The following PLPPR1 variants were observed in gnomAD, a reference collection of about 807,000 sequenced individuals.
PLPPR1 encodes the protein phospholipid phosphatase related 1.
PLPPR1 carries 10 observed loss-of-function variants against 33.1 expected under a neutral mutation model. The observed-to-expected ratio is 0.30, with a 90% CI of 0.19 to 0.51. PLPPR1 has a LOEUF of 0.51. PLPPR1 is among the 20% of genes least tolerant of loss of function. PLPPR1 has a pLI of 0.97. For synonymous variants in PLPPR1, 151 were observed against 151.0 expected (o/e 1.00, Z 0.00); for missense variants, 304 against 408.1 (o/e 0.74, Z 2.20).
chr9:101,231,296 A>T (rs1248566410), intron 2 of PLPPR1, among the ~76,000 whole-genome samples: 1 of 151,776 alleles, frequency 6.6e-6, no homozygotes, highest in African/African-American at 2.4e-5. Context: ...AAAACAAAAA[A>T]ACTTGTAAGA....
At chr9:101,314,620 T>C (rs1829019208) in intron 6 of PLPPR1, among the ~76,000 whole-genome samples, 1 of 150,450 alleles carries the variant, frequency 6.6e-6, no homozygotes, top group Admixed American at 6.6e-5. Flanking sequence ...AAAAAACCAA[T>C]GCAGTTACCT....
chr9:101,221,655 G>C (rs918765963), intron 2 of PLPPR1, among the ~76,000 whole-genome samples: 4 of 152,154 alleles, frequency 2.6e-5, no homozygotes, highest in African/African-American at 9.7e-5. Context: ...TTAAAAACGA[G>C]GAAATGGAAG....
intron 3 of PLPPR1, among the ~76,000 whole-genome samples, chr9:101,277,846 T>G (rs1014649883): frequency 2.6e-5 from 4 of 152,144 alleles, no homozygotes; most frequent in African/African-American, 9.7e-5. Context: ...ACAGAAAACA[T>G]AGGACATATA....
chr9:101,130,705 C>T (rs1313893117), intron 1 of PLPPR1, among the ~76,000 whole-genome samples: 1 of 152,180 alleles, frequency 6.6e-6, no homozygotes, highest in Admixed American at 6.5e-5. Context: ...CTTCTGGGCG[C>T]TTATCTTCTC....
intron 2 of PLPPR1, among the ~76,000 whole-genome samples, chr9:101,239,982 CT>C (rs1827428827): frequency 6.6e-6 from 1 of 151,968 alleles, no homozygotes; most frequent in African/African-American, 2.4e-5. Flanking sequence ...GACCAATGTC[CT>C]AAAACATTTC....
At chr9:101,312,669 C>T in intron 5 of PLPPR1, 129 bp from the exon 6 acceptor site, 1 of 636,718 alleles carries the variant, frequency 1.6e-6, no homozygotes, top group Non-Finnish European at 2.8e-6. Context: ...TCAAGGAATA[C>T]TAGTTAGTGT....
intron 2 of PLPPR1, among the ~76,000 whole-genome samples, chr9:101,218,161 C>A (rs1438547730): frequency 6.6e-6 from 1 of 152,082 alleles, no homozygotes; most frequent in Non-Finnish European, 1.5e-5. Flanking sequence ...ATACACTATT[C>A]TTGATAGTAT....
intron 1 of PLPPR1, among the ~76,000 whole-genome samples, chr9:101,091,405 G>A (rs991976293): frequency 1.1e-4 from 17 of 152,132 alleles, no homozygotes; most frequent in African/African-American, 4.8e-5. Context: ...TTGGCAGGGC[G>A]GCATGTCTTC....
intron 1 of PLPPR1, among the ~76,000 whole-genome samples, chr9:101,139,984 T>C (rs1285629022): frequency 1.3e-5 from 2 of 152,212 alleles, no homozygotes; most frequent in East Asian, 3.8e-4. Flanking sequence ...GTACCTCAAC[T>C]GCTCACAGGA....
At chr9:101,077,800 C>T (rs1830557961) in intron 1 of PLPPR1, among the ~76,000 whole-genome samples, 1 of 151,928 alleles carries the variant, frequency 6.6e-6, no homozygotes, top group South Asian at 2.1e-4. Flanking sequence ...GGCAAGGCGG[C>T]TCCCTTAGAA....
At chr9:101,207,902 A>G (rs186739891) in intron 2 of PLPPR1, among the ~76,000 whole-genome samples, 123 of 152,322 alleles carry the variant, frequency 8.1e-4, no homozygotes, top group African/African-American at 2.9e-3. Flanking sequence ...AAAGGTCTCA[A>G]ATGAAAAGCT....
intron 3 of PLPPR1, among the ~76,000 whole-genome samples, chr9:101,271,476 T>G (rs1402831827): frequency 6.6e-6 from 1 of 152,122 alleles, no homozygotes; most frequent in African/African-American, 2.4e-5. Flanking sequence ...TAAGACCTCT[T>G]CTCTCCAATT....
chr9:101,170,277 A>G (rs772339296), intron 1 of PLPPR1, among the ~76,000 whole-genome samples: 2 of 152,150 alleles, frequency 1.3e-5, no homozygotes, highest in Non-Finnish European at 2.9e-5. Context: ...TATAACCAAG[A>G]TGGGTAATTT....
intron 1 of PLPPR1, among the ~76,000 whole-genome samples, chr9:101,084,738 A>G (rs1830658250): frequency 6.6e-6 from 1 of 152,226 alleles, no homozygotes; most frequent in African/African-American, 2.4e-5. Flanking sequence ...GCATAAAGAA[A>G]GGAAAATAGG....
intron 6 of PLPPR1, among the ~76,000 whole-genome samples, 168 bp downstream of exon 6, chr9:101,313,142 C>T (rs745508693): frequency 3.1e-4 from 47 of 152,162 alleles, no homozygotes; most frequent in Non-Finnish European, 1.0e-4. Context: ...GATTTCAAAA[C>T]ACTCTTTCCT....
In PLPPR1 at chr9:101,309,446, C is replaced by G. The variant is rs113762343; in HGVS notation, c.621C>G (p.Ser207=). ...PSKHAALSIY[S]ALYATMYITS... is the part of the protein sequence containing the mutation. ...AACACGCTGCTCTGAGCATTTACTC[C>G]GCCTTATATGCCACGGTGAGTGTGC... Residue 207 remains serine, a synonymous_variant, in exon 5 of 8, where the codon TCC becomes TCG. Coordinates refer to ENST00000374874, the MANE Select transcript of PLPPR1 (RefSeq NM_207299.2). The G allele has an allele frequency of 6.2e-7, 1 of 1,613,952 alleles. No homozygotes were observed. Among genetic ancestry groups the G allele is most frequent in the African/African-American group, 1.3e-5 (1 of 74,992 alleles).
At chr9:101,288,523 C>G (rs776005856) in intron 4 of PLPPR1, among the ~76,000 whole-genome samples, 11 of 151,820 alleles carry the variant, frequency 7.2e-5, no homozygotes, top group Non-Finnish European at 1.2e-4. Flanking sequence ...TTAGAGGAAA[C>G]AGCATTGAAA....
At chr9:101,139,897 G>T (rs892155969) in intron 1 of PLPPR1, among the ~76,000 whole-genome samples, 2 of 152,138 alleles carry the variant, frequency 1.3e-5, no homozygotes, top group South Asian at 4.2e-4. Context: ...AAGGACTGAG[G>T]GCCTGGAATC....
intron 3 of PLPPR1, among the ~76,000 whole-genome samples, chr9:101,282,965 G>A (rs1828330038): frequency 1.3e-5 from 2 of 152,228 alleles, no homozygotes; most frequent in East Asian, 1.9e-4. Flanking sequence ...ACTACATGAA[G>A]CAATCTACAG....
Sources: gnomAD v4.1 joint callset for allele counts (sites outside exome capture counted in the v4.1 genomes callset) on GRCh38, gnomAD v4.1.1 for gene constraint, MANE v1.5 for transcripts, NCBI Gene and HGNC (gene_info 2026-07-23, HGNC 2026-07-21) for gene names.